Variants in RPGRIP1 observed in about 807,000 individuals in gnomAD.
RPGRIP1 encodes RPGR interacting protein 1.
Under a neutral mutation model 157.9 loss-of-function variants are expected in RPGRIP1, and 128 were observed. The ratio of observed to expected loss-of-function variants is 0.81; its 90% CI spans 0.70 to 0.94. The LOEUF (loss-of-function observed/expected upper bound fraction) is 0.94. Among genes scored for constraint, RPGRIP1 ranks in the 40% least tolerant of loss-of-function variants. The pLI is 0.00. For missense variants in RPGRIP1, 1,486 were observed against 1,545.8 expected (o/e 0.96, Z 0.65); for synonymous variants, 554 against 571.6 (o/e 0.97, Z 0.44).
chr14:21,291,792 C>T (rs1056717629), intron 2 of RPGRIP1, among the ~76,000 whole-genome samples: 4 of 151,980 alleles, frequency 2.6e-5, no homozygotes, highest in Non-Finnish European at 5.9e-5. Context: ...TGGAGTCTCG[C>T]TTTTGTTGCC....
chr14:21,350,032 TA>T (rs1204532964), intron 24 of RPGRIP1, among the ~76,000 whole-genome samples: 7 of 152,106 alleles, frequency 4.6e-5, no homozygotes, highest in Non-Finnish European at 5.9e-5. Flanking sequence ...ACTGAATTAG[TA>T]AATCACAAGG....
chr14:21,333,924 C>A (rs1884055135), intron 20 of RPGRIP1, among the ~76,000 whole-genome samples: 1 of 130,544 alleles, frequency 7.7e-6, no homozygotes, highest in South Asian at 2.4e-4. Flanking sequence ...TTGAGGCCAC[C>A]TTTTTTTTTT....
intron 10 of RPGRIP1, among the ~76,000 whole-genome samples, chr14:21,314,893 G>C: frequency 6.6e-6 from 1 of 151,578 alleles, no homozygotes; most frequent in East Asian, 2.0e-4. Context: ...CGTGGTGGCA[G>C]GGGCCTGTAA....
intron 1 of RPGRIP1, among the ~76,000 whole-genome samples, chr14:21,281,801 G>GA (rs202191396): frequency 1.3e-5 from 2 of 150,604 alleles, no homozygotes; most frequent in Non-Finnish European, 1.5e-5. Context: ...GTGTAAAAAA[G>GA]AAAAAAAAGA....
chr14:21,326,170 A>G lies in RPGRIP1; in HGVS notation c.2707A>G (p.Lys903Glu). Residue 903 changes from lysine to glutamate, a missense_variant, in exon 17 of 25, where the codon AAA (lysine) becomes GAA (glutamate). By Grantham distance (56) the Lys-to-Glu change is moderately conservative. Coordinates refer to ENST00000400017, the MANE Select transcript of RPGRIP1 (RefSeq NM_020366.4). ...GCCTCTTGCAAAAAATGAATCTATCAAAGGTGGGAGTTCGAGGTTATTACA... is the reference window on the plus strand; with the variant it reads ...GCCTCTTGCAAAAAATGAATCTATCGAAGGTGGGAGTTCGAGGTTATTACA... Reference protein sequence around the residue: ...LLPLAKNESIKGDFNLTDPAE... With the variant: ...LLPLAKNESIEGDFNLTDPAE... 6.4e-7 allele frequency: 1 copy of G among 1,561,750 alleles called. No homozygotes were observed. Among genetic ancestry groups the G allele is most frequent in the Non-Finnish European group, 8.7e-7 (1 of 1,152,770 alleles).
At chr14:21,312,611 C>T (rs555941718) in intron 10 of RPGRIP1, 105 bp downstream of exon 10, 1 of 628,626 alleles carries the variant, frequency 1.6e-6, no homozygotes, top group Admixed American at 3.1e-5. Flanking sequence ...AATTGGTACT[C>T]AATATTGTTA....
chr14:21,340,970 A>T (rs537638340), intron 21 of RPGRIP1, among the ~76,000 whole-genome samples: 1 of 152,264 alleles, frequency 6.6e-6, no homozygotes, highest in East Asian at 1.9e-4. Context: ...TATAGTCAAT[A>T]GTTTTCTTGA....
intron 3 of RPGRIP1, among the ~76,000 whole-genome samples, chr14:21,299,019 A>AT (rs35963433): frequency 0.19 from 27,226 of 140,556 alleles, 2,792 homozygotes; most frequent in East Asian, 0.29. Flanking sequence ...AGAGTTGGTG[A>AT]TTTTTTTTTT....
chr14:21,318,523 T>G (rs1171344462), intron 11 of RPGRIP1, among the ~76,000 whole-genome samples: 1 of 152,212 alleles, frequency 6.6e-6, no homozygotes, highest in African/African-American at 2.4e-5. Flanking sequence ...TCACCCAGGC[T>G]GGAGTACAGT....
rs1882856070 is a variant in RPGRIP1 at position 21,324,639 on chromosome 14, A to G, written c.1784A>G (p.Tyr595Cys). ...PTSEQLKDVA[Y>C]GTRPLSLCLE... ...CTAGAACAGCTCAAAGATGTTGCTT[A>G]TGGCACCCGACCGTTGTCGTTATGT... Residue 595 changes from tyrosine (Y) to cysteine (C), a missense_variant, in exon 15 of 25, where the codon TAT becomes TGT. Physicochemically the swap from Tyr to Cys is radical, Grantham distance 194. Coordinates refer to ENST00000400017, the MANE Select transcript of RPGRIP1 (RefSeq NM_020366.4). 5.0e-6 allele frequency: 8 copies of G among 1,613,764 alleles called. No individual in the cohort carries two copies. Among genetic ancestry groups the G allele is most frequent in the Non-Finnish European group, 6.8e-6 (8 of 1,179,896 alleles).
chr14:21,295,441 A>G (rs1345091605), intron 3 of RPGRIP1, among the ~76,000 whole-genome samples: 4 of 113,394 alleles, frequency 3.5e-5, no homozygotes, highest in African/African-American at 9.9e-5. Context: ...AGTGCTATCT[A>G]TACATTTATT....
At chr14:21,345,700 C>T (rs1313180329) in intron 23 of RPGRIP1, among the ~76,000 whole-genome samples, 1 of 151,858 alleles carries the variant, frequency 6.6e-6, no homozygotes, top group East Asian at 2.0e-4. Context: ...CCACCGTGTC[C>T]AGCCCATAGT....
At chr14:21,301,745 G>A (rs914607927) in intron 4 of RPGRIP1, among the ~76,000 whole-genome samples, 4 of 150,512 alleles carry the variant, frequency 2.7e-5, no homozygotes, top group African/African-American at 4.9e-5. Context: ...AAGCCTGGTG[G>A]CACATGCCTG....
intron 24 of RPGRIP1, among the ~76,000 whole-genome samples, chr14:21,349,290 G>A (rs1165728381): frequency 6.6e-6 from 1 of 151,108 alleles, no homozygotes; most frequent in African/African-American, 2.4e-5. Flanking sequence ...GGCTGGTCTC[G>A]AACTCTTGGA....
In RPGRIP1 at chr14:21,288,045, G is replaced by T; in HGVS notation, c.69G>T (p.Val23=). Reference sequence around the variant, plus strand: ...GAGACATAGATGCTATACCTCTGGTGCTACCAGCCTCAAAAGGTAACTTCT... The same window carrying T: ...GAGACATAGATGCTATACCTCTGGTTCTACCAGCCTCAAAAGGTAACTTCT... ...PVRDIDAIPL[V]LPASKGKNMK... is the part of the protein sequence containing the mutation. The change falls in exon 2 of 25, where the codon GTG becomes GTT. Residue 23 remains valine, a synonymous_variant. Coordinates refer to ENST00000400017, the MANE Select transcript of RPGRIP1 (RefSeq NM_020366.4). 6.2e-7 allele frequency: 1 copy of T among 1,611,758 alleles called. No homozygotes were observed. Among genetic ancestry groups the T allele is most frequent in the Non-Finnish European group, 8.5e-7 (1 of 1,177,936 alleles).
chr14:21,333,397 A>G (rs1206492210), intron 20 of RPGRIP1, among the ~76,000 whole-genome samples: 2 of 152,226 alleles, frequency 1.3e-5, no homozygotes, highest in East Asian at 3.8e-4. Context: ...TCAGTGAAAC[A>G]GACAACCCAA....
Position 21,328,556 on chromosome 14 carries a change from A to G in RPGRIP1, c.3028A>G (p.Arg1010Gly), listed in dbSNP as rs764718096. ...CTACTCAAGAAGAAAACATGGCAAA[A>G]GAATAGGTGTTCAAGGAAAGAATAG... The part of the protein sequence containing the change: ...VSYSRRKHGK[R>G]IGVQGKNRME... The change falls in exon 19 of 25, where the codon AGA (arginine) becomes GGA (glycine). Residue 1010 changes from arginine to glycine, a missense_variant. Arg to Gly is a moderately radical substitution (Grantham distance 125). Coordinates refer to ENST00000400017, the MANE Select transcript of RPGRIP1 (RefSeq NM_020366.4). 1.2e-6 allele frequency: 2 copies of G among 1,613,830 alleles called. No homozygotes were observed. Among genetic ancestry groups the G allele is most frequent in the South Asian group, 2.2e-5 (2 of 91,074 alleles).
intron 4 of RPGRIP1, among the ~76,000 whole-genome samples, 176 bp from the exon 5 acceptor site, chr14:21,302,312 T>C (rs1354720178): frequency 6.7e-6 from 1 of 149,416 alleles, no homozygotes; most frequent in African/African-American, 2.5e-5. Flanking sequence ...TGGCTGACTT[T>C]AGTTGCAGTT....
intron 21 of RPGRIP1, among the ~76,000 whole-genome samples, chr14:21,336,349 C>T (rs1884362983): frequency 1.3e-5 from 2 of 152,262 alleles, no homozygotes; most frequent in African/African-American, 4.8e-5. Context: ...GCCTGAGCAA[C>T]ACAGCAAGAC....
Sources: gnomAD v4.1 joint callset for allele counts (sites outside exome capture counted in the v4.1 genomes callset) on GRCh38, gnomAD v4.1.1 for gene constraint, MANE v1.5 for transcripts, NCBI Gene and HGNC (gene_info 2026-07-23, HGNC 2026-07-21) for gene names.